Variants in PIK3C2G observed in about 807,000 individuals in gnomAD.
PIK3C2G encodes the protein phosphatidylinositol 3-kinase C2 domain-containing subunit gamma.
Under a neutral mutation model 181.1 loss-of-function variants are expected in PIK3C2G, and 168 were observed. That is an observed-to-expected ratio of 0.93 (90% CI 0.82 to 1.05). The LOEUF is 1.05. Ranked by LOEUF, PIK3C2G falls within the 50% of genes least tolerant of loss-of-function variation. The pLI is 0.00. For missense variants in PIK3C2G, 1,869 were observed against 1,732.8 expected (o/e 1.08, Z -1.40); for synonymous variants, 573 against 592.2 (o/e 0.97, Z 0.47).
At chr12:18,554,477 T>C (rs1944897997) in intron 26 of PIK3C2G, among the ~76,000 whole-genome samples, 1 of 152,088 alleles carries the variant, frequency 6.6e-6, no homozygotes, top group African/African-American at 2.4e-5. Flanking sequence ...GAGTCAAATG[T>C]GTACCTACAC....
the PIK3C2G span, among the ~76,000 whole-genome samples, chr12:18,675,891 T>G: frequency 2.0e-5 from 3 of 151,950 alleles, no homozygotes; most frequent in African/African-American, 7.3e-5. Context: ...GGGGTGAGGT[T>G]TGAGATTTTA....
At chr12:18,559,821 T>TATATATAGAGAGAGAGAG (rs1945244509) in intron 26 of PIK3C2G, among the ~76,000 whole-genome samples, 2 of 18,372 alleles carry the variant, frequency 1.1e-4, no homozygotes, top group African/African-American at 2.0e-4. Flanking sequence ...TATATATATA[T>TATATATAGAGAGAGAGAG]AGAGAGAGAG....
At chr12:18,466,283 T>C (rs1240841534) in intron 18 of PIK3C2G, among the ~76,000 whole-genome samples, 1 of 151,828 alleles carries the variant, frequency 6.6e-6, no homozygotes, top group Non-Finnish European at 1.5e-5. Flanking sequence ...GTATGTCTGA[T>C]AATTACAACT....
At chr12:18,705,241 A>G in the PIK3C2G span, 1 of 1,614,076 alleles carries the variant, frequency 6.2e-7, no homozygotes, top group Non-Finnish European at 8.5e-7. Flanking sequence ...TAGCCTGCAA[A>G]TTGTCTGCCA....
At chr12:18,355,365 G>GA (rs1451142537) in intron 11 of PIK3C2G, among the ~76,000 whole-genome samples, 9 of 152,088 alleles carry the variant, frequency 5.9e-5, no homozygotes, top group Non-Finnish European at 8.8e-5. Context: ...ACTTAGAAAA[G>GA]AAAAAAGAAC....
chr12:18,584,035 GT>G (rs71064007), intron 29 of PIK3C2G, among the ~76,000 whole-genome samples: 23,395 of 146,174 alleles, frequency 0.16, 1,962 homozygotes, highest in East Asian at 0.2. Context: ...TTGTTTTTTT[GT>G]TTTTTTTTTT....
intron 19 of PIK3C2G, among the ~76,000 whole-genome samples, chr12:18,489,668 G>T (rs916694727): frequency 2.0e-5 from 3 of 152,082 alleles, no homozygotes; most frequent in African/African-American, 7.2e-5. Flanking sequence ...GCAAAAAAAA[G>T]TTCTATGATT....
At chr12:18,625,260 T>C (rs1490889573) in intron 31 of PIK3C2G, among the ~76,000 whole-genome samples, 1 of 151,892 alleles carries the variant, frequency 6.6e-6, no homozygotes, top group Admixed American at 6.6e-5. Context: ...AATTTCCCTT[T>C]TAATTTCTTC....
rs73342989 is a variant in PIK3C2G, at chr12:18,548,899, G to A, written c.3590+2467G>A. Among the ~76,000 whole-genome samples, 1,083 of 151,860 alleles carry A rather than the reference G, an allele frequency of 7.1e-3. 15 individuals are homozygous for A. The highest frequency in any genetic ancestry group is 0.025 in the African/African-American group (1,025 of 41,440). On this transcript the variant is annotated intron_variant, in intron 26 of 32. Transcript: ENST00000538779. ...TTTGTCAAGATTTATCCAACTACCC[G>A]CCCCCTGTCTCCATTATTCCACATG...
intron 31 of PIK3C2G, among the ~76,000 whole-genome samples, chr12:18,625,616 T>C (rs1008790862): frequency 1.5e-4 from 23 of 151,726 alleles, no homozygotes; most frequent in Non-Finnish European, 1.5e-5. Context: ...GTGAAAGTGA[T>C]GTATCGAAGT....
intron 30 of PIK3C2G, among the ~76,000 whole-genome samples, chr12:18,605,141 C>A (rs1947947078): frequency 6.6e-6 from 1 of 151,974 alleles, no homozygotes. Context: ...AGACCATTAG[C>A]AAGATTAACC....
chr12:18,497,241 T>C (rs1941087785), intron 21 of PIK3C2G, among the ~76,000 whole-genome samples: 2 of 152,160 alleles, frequency 1.3e-5, no homozygotes, highest in African/African-American at 2.4e-5. Context: ...TACCAAATAA[T>C]GTTTCACTTA....
chr12:18,487,126 G>GTGTGTT, intron 18 of PIK3C2G, among the ~76,000 whole-genome samples: 1 of 151,558 alleles, frequency 6.6e-6, no homozygotes, highest in African/African-American at 2.4e-5. Context: ...GTGTGTGTGT[G>GTGTGTT]TGTGTGTGTA....
At chr12:18,685,635 G>A in the PIK3C2G span, 9 of 516,566 alleles carry the variant, frequency 1.7e-5, no homozygotes, top group South Asian at 1.1e-4. Context: ...GCTCATGCTG[G>A]AATAATGACC....
chr12:18,351,888 G>A (rs953347811), intron 11 of PIK3C2G, among the ~76,000 whole-genome samples: 5 of 152,166 alleles, frequency 3.3e-5, no homozygotes, highest in African/African-American at 9.7e-5. Context: ...GTAACATACT[G>A]TACAGGTTTG....
At chr12:18,486,966 T>C (rs1399850047) in intron 18 of PIK3C2G, among the ~76,000 whole-genome samples, 2 of 152,166 alleles carry the variant, frequency 1.3e-5, no homozygotes, top group Non-Finnish European at 2.9e-5. Flanking sequence ...ATTACTTGTT[T>C]GACATTTCAA....
chr12:18,509,422 A>T (rs10770366), intron 24 of PIK3C2G, among the ~76,000 whole-genome samples: 65,913 of 152,100 alleles, frequency 0.43, 14,959 homozygotes, highest in East Asian at 0.58. Flanking sequence ...TATAAGAAGG[A>T]TCTTGAGAAA....
In PIK3C2G at chr12:18,648,030, C is replaced by G; in HGVS notation, c.*2C>G. The stretch of plus-strand genomic sequence containing the variant: ...CCATTAGGAAACAGTATAATTTGAC[C>G]ATTGCTATGAACATATGCATTATTC... On this transcript the variant is annotated 3_prime_UTR_variant, in exon 33 of 33. Coordinates refer to ENST00000538779, the MANE Select transcript of PIK3C2G (RefSeq NM_001288772.2). 1 of 1,577,294 alleles carries G rather than the reference C, an allele frequency of 6.3e-7. No individual in the cohort carries two copies. Among genetic ancestry groups the G allele is most frequent in the Non-Finnish European group, 8.6e-7 (1 of 1,158,826 alleles).
chr12:18,589,801 CA>C (rs895811593), intron 29 of PIK3C2G, among the ~76,000 whole-genome samples: 1 of 151,950 alleles, frequency 6.6e-6, no homozygotes, highest in Non-Finnish European at 1.5e-5. Context: ...CTTTTTTCCA[CA>C]ATGCTCCATT....
Sources: gnomAD v4.1 joint callset for allele counts (sites outside exome capture counted in the v4.1 genomes callset) on GRCh38, gnomAD v4.1.1 for gene constraint, MANE v1.5 for transcripts, NCBI Gene and HGNC (gene_info 2026-07-23, HGNC 2026-07-21) for gene names.